NFYC: variants seen among roughly 807,000 people sequenced by gnomAD.
The protein encoded by NFYC is CAAT box DNA-binding protein subunit C.
NFYC carries 25 observed loss-of-function variants against 53.1 expected under a neutral mutation model. The ratio of observed to expected loss-of-function variants is 0.47; its 90% confidence interval spans 0.34 to 0.66. The LOEUF is 0.66. Among genes scored for constraint, NFYC ranks in the 30% least tolerant of loss-of-function variants. NFYC has a pLI of 0.01. For missense variants in NFYC, 260 were observed against 422.7 expected (o/e 0.62, Z 3.38); for synonymous variants, 145 against 152.6 (o/e 0.95, Z 0.37).
At chr1:40,746,272 G>C (rs1361012200) in intron 2 of NFYC, among the ~76,000 whole-genome samples, 1 of 152,304 alleles carries the variant, frequency 6.6e-6, no homozygotes, top group African/African-American at 2.4e-5. Context: ...TTGTAGAGCA[G>C]AGTGGTAGCC....
intron 1 of NFYC, among the ~76,000 whole-genome samples, chr1:40,702,948 C>T (rs1324535406): frequency 1.3e-5 from 2 of 152,104 alleles, no homozygotes; most frequent in Admixed American, 1.3e-4. Flanking sequence ...TCCCGAGTAG[C>T]TGGGATTACA....
intron 2 of NFYC, among the ~76,000 whole-genome samples, chr1:40,743,641 T>G (rs1645463506): frequency 1.3e-5 from 2 of 152,336 alleles, no homozygotes; most frequent in Middle Eastern, 3.4e-3. Context: ...GTGATGACAT[T>G]TCTAACATTA....
chr1:40,703,448 T>C (rs2744798), intron 1 of NFYC, among the ~76,000 whole-genome samples: 113,085 of 146,036 alleles, frequency 0.77, 44,466 homozygotes, highest in African/African-American at 0.89. Context: ...GCTGTGATCA[T>C]GCCACTGTAC....
intron 2 of NFYC, among the ~76,000 whole-genome samples, chr1:40,746,032 A>C (rs973617734): frequency 6.6e-6 from 1 of 152,156 alleles, no homozygotes; most frequent in Non-Finnish European, 1.5e-5. Flanking sequence ...TTTGCATAGT[A>C]GTAGGTATCA....
At chr1:40,694,167 A>G (rs1165938019) in intron 1 of NFYC, among the ~76,000 whole-genome samples, 1 of 152,266 alleles carries the variant, frequency 6.6e-6, no homozygotes, top group Non-Finnish European at 1.5e-5. Flanking sequence ...TAAAGAGCTC[A>G]CTGGAGAGGT....
chr1:40,719,726 A>G (rs1256567585), intron 1 of NFYC, among the ~76,000 whole-genome samples: 3 of 152,226 alleles, frequency 2.0e-5, no homozygotes, highest in Admixed American at 6.5e-5. Flanking sequence ...GAGAAAAGCT[A>G]TAGGTTCTTA....
rs979093923 is a variant in NFYC at position 40,733,499 on chromosome 1, T to G, written c.-8-5337T>G. Among the ~76,000 whole-genome samples, 10 of 149,358 alleles carry G rather than the reference T, an allele frequency of 6.7e-5. No homozygotes were observed. The East Asian group carries it at 2.0e-3, about 30-fold the overall frequency. The stretch of plus-strand genomic sequence containing the variant: ...AACCCTGGCTTTGAGAAAAAAAAAA[T>G]AGAGAGAAAGAGTAGTTTAACATGG... On this transcript the variant is annotated intron_variant, in intron 1 of 9. Coordinates refer to ENST00000447388, the MANE Select transcript of NFYC (RefSeq NM_014223.5).
At position 40,754,258 on chromosome 1, in the gene NFYC, T is replaced by G. The variant is rs183437507; in HGVS notation, c.387+1012T>G. On this transcript the variant is annotated intron_variant, in intron 5 of 9. Transcript: ENST00000447388. ...AGAAGTGGGCATCCTAATGAACATT[T>G]GTAATTCTGACCCTGCATGAGGGCC... 5.6e-6 allele frequency: 3 copies of G among 532,726 alleles called. 1 individual carries two copies. Among genetic ancestry groups the G allele is most frequent in the Middle Eastern group, 1.1e-3 (2 of 1,848 alleles). 33.0% of individuals were successfully genotyped at this position (532,726 alleles called of 1,614,324 possible).
chr1:40,738,872 C>G lies in NFYC; in HGVS notation c.29C>G (p.Thr10Ser). The change falls in exon 2 of 10, where the codon ACT becomes AGT. Residue 10 changes from threonine (T) to serine (S), a missense_variant. Thr to Ser is a moderately conservative substitution (Grantham distance 58). Transcript: ENST00000447388. Reference protein sequence around the residue: MSTEGGFGGTSSSDAQQSLQ... With the variant: MSTEGGFGGSSSSDAQQSLQ... ...TCCACAGAAGGAGGATTTGGTGGTA[C>G]TAGCAGCAGTGATGCCCAGCAAAGC... 2 of 1,614,070 alleles carry G rather than the reference C, an allele frequency of 1.2e-6. No homozygotes were observed. Among genetic ancestry groups the G allele is most frequent in the Non-Finnish European group, 1.7e-6 (2 of 1,179,940 alleles).
At chr1:40,760,717 CAA>C (rs397974863) in intron 6 of NFYC, among the ~76,000 whole-genome samples, 3 of 133,136 alleles carry the variant, frequency 2.3e-5, no homozygotes, top group Non-Finnish European at 1.6e-5. Context: ...GAGACTGTCT[CAA>C]AAAAAAAAAA....
At chr1:40,730,414 T>C (rs1358769250) in intron 1 of NFYC, 1 of 184,700 alleles carries the variant, frequency 5.4e-6, no homozygotes, top group African/African-American at 2.4e-5. Flanking sequence ...GGTTATTAAG[T>C]GGCGTAATTT....
intron 8 of NFYC, chr1:40,766,962 A>G (rs1306209759): frequency 3.2e-6 from 5 of 1,552,214 alleles, no homozygotes; most frequent in Non-Finnish European, 4.4e-6. Context: ...GGTGCCTGAA[A>G]GAAACCTTAC....
intron 1 of NFYC, among the ~76,000 whole-genome samples, chr1:40,704,569 G>T (rs1189158892): frequency 6.6e-6 from 1 of 152,178 alleles, no homozygotes; most frequent in Non-Finnish European, 1.5e-5. Flanking sequence ...GAATAATTTG[G>T]GTTCTCTTCC....
intron 1 of NFYC, among the ~76,000 whole-genome samples, chr1:40,694,198 C>T (rs1642999229): frequency 6.6e-6 from 1 of 152,242 alleles, no homozygotes; most frequent in Admixed American, 6.5e-5. Context: ...TCACCAGTTC[C>T]TTAGGGTGTC....
At position 40,722,063 on chromosome 1, in the gene NFYC, T is replaced by C. The variant is rs560138092; in HGVS notation, c.-8-16773T>C. The stretch of plus-strand genomic sequence containing the variant: ...GTGGGCACCTGTGGTCCCAGCTACT[T>C]GGGAGGCTGAGGCAGGAGAATGGTG... On this transcript the variant is annotated intron_variant, in intron 1 of 9. Coordinates refer to ENST00000447388, the MANE Select transcript of NFYC (RefSeq NM_014223.5). 2.4e-4 allele frequency among the ~76,000 whole-genome samples: 36 copies of C among 152,052 alleles called. No homozygotes were observed. In the East Asian group the frequency reaches 5.6e-3, roughly 24 times the overall value.
intron 1 of NFYC, among the ~76,000 whole-genome samples, chr1:40,696,114 C>G (rs537465503): frequency 6.6e-6 from 1 of 151,682 alleles, no homozygotes; most frequent in South Asian, 2.1e-4. Flanking sequence ...ACCTCTGCCT[C>G]CCAGGTTCAA....
intron 2 of NFYC, among the ~76,000 whole-genome samples, chr1:40,742,720 C>T (rs1645414890): frequency 6.6e-6 from 1 of 152,172 alleles, no homozygotes; most frequent in Admixed American, 6.5e-5. Context: ...AATTAGACTC[C>T]ACTTCAGGTT....
At position 40,770,447 on chromosome 1, in the gene NFYC, G is replaced by T; in HGVS notation, c.889-262G>T. On this transcript the variant is annotated intron_variant, in intron 9 of 9. Coordinates refer to ENST00000447388, the MANE Select transcript of NFYC (RefSeq NM_014223.5). The surrounding 1 kb of genome is among the most constrained non-coding windows in gnomAD (Gnocchi z 5.3). Reference sequence around the variant, plus strand: ...TCTCTGAGCTAACGGGAGAGGCAGAGCCCAGAGAAGTGAAAGCCACAGGAA... The same window carrying T: ...TCTCTGAGCTAACGGGAGAGGCAGATCCCAGAGAAGTGAAAGCCACAGGAA... 1 of 1,550,598 alleles carries T rather than the reference G, an allele frequency of 6.4e-7. No individual in the cohort carries two copies. The highest frequency in any genetic ancestry group is 8.7e-7 in the Non-Finnish European group (1 of 1,146,940).
intron 1 of NFYC, among the ~76,000 whole-genome samples, chr1:40,702,675 A>G (rs568441044): frequency 6.3e-4 from 96 of 152,138 alleles, no homozygotes; most frequent in African/African-American, 2.2e-3. Flanking sequence ...TATTTTGAAG[A>G]TGTGTGAACA....
Sources: gnomAD v4.1 joint callset for allele counts (sites outside exome capture counted in the v4.1 genomes callset) on GRCh38, gnomAD v4.1.1 for gene constraint, Gnocchi (gnomAD v3.1) non-coding constraint, MANE v1.5 for transcripts, NCBI Gene and HGNC (gene_info 2026-07-23, HGNC 2026-07-21) for gene names.